The following PCDHGC5 variants were observed in gnomAD, a reference collection of about 807,000 sequenced individuals.
The protein encoded by PCDHGC5 is protocadherin gamma-C5.
A neutral mutation model predicts 59.0 loss-of-function variants in PCDHGC5; 25 were observed. The observed-to-expected ratio is 0.42, with a 90% CI of 0.31 to 0.59. The LOEUF (loss-of-function observed/expected upper bound fraction) is 0.59, where lower values mean the gene tolerates loss of function less well. PCDHGC5 is among the 20% of genes least tolerant of loss of function. The pLI, the probability that PCDHGC5 is intolerant of heterozygous loss-of-function variation, is 0.13. For missense variants in PCDHGC5, 1,067 were observed against 1,206.4 expected, an observed-to-expected ratio of 0.88 and a Z score of 1.71; for synonymous variants, 434 against 505.5, an observed-to-expected ratio of 0.86 and a Z score of 1.90.
At position 141,490,328 on chromosome 5, in the gene PCDHGC5, C is replaced by T; in HGVS notation, c.1088C>T (p.Thr363Ile). 2 of 1,614,228 alleles carry T rather than the reference C, an allele frequency of 1.2e-6. No homozygotes were observed. Among genetic ancestry groups the T allele is most frequent in the Non-Finnish European group, 1.7e-6 (2 of 1,180,048 alleles). ...ASLANPVLES[T>I]PVGTVVGLFN... Reference sequence around the variant, plus strand: ...TTGGCCAACCCTGTCCTAGAGAGCACACCAGTGGGCACAGTAGTGGGGTTG... The same window carrying T: ...TTGGCCAACCCTGTCCTAGAGAGCATACCAGTGGGCACAGTAGTGGGGTTG... Residue 363 changes from threonine (T) to isoleucine (I), a missense_variant, in exon 1 of 4, where the codon ACA becomes ATA. Coordinates refer to ENST00000252087, the MANE Select transcript of PCDHGC5 (RefSeq NM_018929.3). The surrounding 1 kb of genome is among the most constrained non-coding windows in gnomAD (Gnocchi z 5.4).
At position 141,489,635 on chromosome 5, in the gene PCDHGC5, G is replaced by A. The variant is rs1380466520; in HGVS notation, c.395G>A (p.Ser132Asn). The change falls in exon 1 of 4, where the codon AGC (serine) becomes AAC (asparagine). Residue 132 changes from serine to asparagine, a missense_variant. By Grantham distance (46) the Ser-to-Asn change is conservative. Coordinates refer to ENST00000252087, the MANE Select transcript of PCDHGC5 (RefSeq NM_018929.3). The surrounding 1 kb of genome is among the most constrained non-coding windows in gnomAD (Gnocchi z 4.5). Reference sequence around the variant, plus strand: ...CTGGATCTCAATGACAACTCTCCTAGCTTTGCCACCCCTGAGCGAGAGATG... The same window carrying A: ...CTGGATCTCAATGACAACTCTCCTAACTTTGCCACCCCTGAGCGAGAGATG... Reference protein sequence around the residue: ...EILDLNDNSPSFATPEREMRI... With the variant: ...EILDLNDNSPNFATPEREMRI... 6.2e-7 allele frequency: 1 copy of A among 1,614,142 alleles called. No individual in the cohort carries two copies. The highest frequency in any genetic ancestry group is 8.5e-7 in the Non-Finnish European group (1 of 1,180,012).
rs201409669 is a variant in PCDHGC5 at position 141,490,703 on chromosome 5, G to A, written c.1463G>A (p.Arg488His). ...ASDPDTGDNA[R>H]LTYSIVGNQV... The stretch of plus-strand genomic sequence containing the variant: ...GATCCAGACACTGGGGATAATGCCC[G>A]CCTCACCTACTCCATTGTAGGAAAT... The change falls in exon 1 of 4, where the codon CGC becomes CAC. Residue 488 changes from arginine (R) to histidine (H), a missense_variant. Coordinates refer to ENST00000252087, the MANE Select transcript of PCDHGC5 (RefSeq NM_018929.3). This position sits in a 1 kb window ranked among gnomAD's most constrained non-coding sequence, Gnocchi z 5.4. 2.6e-4 allele frequency: 421 copies of A among 1,614,106 alleles called. No homozygotes were observed. Among genetic ancestry groups the A allele is most frequent in the Middle Eastern group, 6.6e-4 (4 of 6,062 alleles).
chr5:141,489,951 T>C lies in PCDHGC5; in HGVS notation c.711T>C (p.Asp237=). Residue 237 remains aspartate, a synonymous_variant, in exon 1 of 4, where the codon GAT becomes GAC. Coordinates refer to ENST00000252087, the MANE Select transcript of PCDHGC5 (RefSeq NM_018929.3). The surrounding 1 kb of genome is among the most constrained non-coding windows in gnomAD (Gnocchi z 4.5). The part of the protein sequence containing the change: ...LISVIVLDIN[D]NAPTFQSSVL... ...CTGTCATCGTGCTGGACATCAATGATAATGCTCCAACCTTCCAATCCTCAG... is the reference window on the plus strand; with the variant it reads ...CTGTCATCGTGCTGGACATCAATGACAATGCTCCAACCTTCCAATCCTCAG... 6.2e-7 allele frequency: 1 copy of C among 1,614,210 alleles called. No homozygotes were observed. Among genetic ancestry groups the C allele is most frequent in the Non-Finnish European group, 8.5e-7 (1 of 1,180,032 alleles).
Position 141,492,511 on chromosome 5 carries a change from C to T in PCDHGC5, c.2460+811C>T, listed in dbSNP as rs58889912. Among the ~76,000 whole-genome samples the T allele has an allele frequency of 1.7e-3, 262 of 152,326 alleles. 2 individuals are homozygous for T. The highest frequency in any genetic ancestry group is 6.0e-3 in the African/African-American group (249 of 41,582). On this transcript the variant is annotated intron_variant, in intron 1 of 3. Coordinates refer to ENST00000252087, the MANE Select transcript of PCDHGC5 (RefSeq NM_018929.3). Reference sequence around the variant, plus strand: ...CCAGGCGAGGACTCCGGAGCCTCCTCTCACCTCTCCCACCTGCGCCCCGGG... The same window carrying T: ...CCAGGCGAGGACTCCGGAGCCTCCTTTCACCTCTCCCACCTGCGCCCCGGG...
rs1386791249 is a variant in PCDHGC5 at position 141,511,417 on chromosome 5, G to A, written c.*244G>A. 1.2e-6 allele frequency: 1 copy of A among 835,942 alleles called. No homozygotes were observed. Among genetic ancestry groups the A allele is most frequent in the African/African-American group, 1.7e-5 (1 of 58,154 alleles). The allele number at this position is 835,942 out of a possible 1,614,324, so 51.8% of individuals were successfully genotyped here. A position where few individuals can be genotyped will look rare whatever the true frequency, so the allele number is the denominator to read the frequency against. The stretch of plus-strand genomic sequence containing the variant: ...CCATCCAATCAACTGCTGTACCCAT[G>A]GGGGTAGTGGGGTTACTGTAGACAC... On this transcript the variant is annotated 3_prime_UTR_variant, in exon 4 of 4. Transcript: ENST00000252087.
In PCDHGC5 at chr5:141,489,750, C is replaced by T. The variant is rs753217170; in HGVS notation, c.510C>T (p.Tyr170=). The change falls in exon 1 of 4, where the codon TAC becomes TAT. Residue 170 remains tyrosine, a synonymous_variant. Coordinates refer to ENST00000252087, the MANE Select transcript of PCDHGC5 (RefSeq NM_018929.3). The surrounding 1 kb of genome is among the most constrained non-coding windows in gnomAD (Gnocchi z 4.5). ...PDVGTNTVSF[Y]TLSPNSHFSL... ...TGGGCACCAATACTGTGAGCTTTTA[C>T]ACTCTAAGCCCCAACAGCCACTTCT... 1.2e-6 allele frequency: 2 copies of T among 1,614,098 alleles called. No homozygotes were observed. Among genetic ancestry groups the T allele is most frequent in the Admixed American group, 3.3e-5 (2 of 60,022 alleles).
At chr5:141,502,621 A>G (rs918589202) in intron 2 of PCDHGC5, among the ~76,000 whole-genome samples, 3 of 152,162 alleles carry the variant, frequency 2.0e-5, no homozygotes, top group African/African-American at 7.2e-5. Context: ...AAATATAAGT[A>G]ATCTGTGGAT....
intron 3 of PCDHGC5, among the ~76,000 whole-genome samples, chr5:141,506,904 C>T (rs55892286): frequency 0.2 from 30,589 of 152,050 alleles, 3,131 homozygotes; most frequent in Middle Eastern, 0.24. Flanking sequence ...ACTGTCATCA[C>T]ACCTGGGCAC....
At chr5:141,508,124 G>C (rs1248096612) in intron 3 of PCDHGC5, 1 of 152,640 alleles carries the variant, frequency 6.6e-6, no homozygotes, top group Non-Finnish European at 1.5e-5. Flanking sequence ...AGGACAGAGG[G>C]AGGTCAGGGA....
Position 141,490,748 on chromosome 5 carries a change from C to A in PCDHGC5, c.1508C>A (p.Ala503Asp). 3.1e-6 allele frequency: 5 copies of A among 1,614,168 alleles called. No individual in the cohort carries two copies. Among genetic ancestry groups the A allele is most frequent in the Non-Finnish European group, 3.4e-6 (4 of 1,180,006 alleles). ...GGAAATCAGGTTCAGGGAGCCCCAGCCTCCTCCTTTGTGTATGTCAACCCA... is the reference window on the plus strand; with the variant it reads ...GGAAATCAGGTTCAGGGAGCCCCAGACTCCTCCTTTGTGTATGTCAACCCA... ...IVGNQVQGAP[A>D]SSFVYVNPED... The change falls in exon 1 of 4, where the codon GCC becomes GAC. Residue 503 changes from alanine to aspartate, a missense_variant. Transcript: ENST00000252087. This position sits in a 1 kb window ranked among gnomAD's most constrained non-coding sequence, Gnocchi z 5.4.
At position 141,490,044 on chromosome 5, in the gene PCDHGC5, T is replaced by C; in HGVS notation, c.804T>C (p.Asp268=). The C allele has an allele frequency of 1.2e-6, 2 of 1,614,192 alleles. No individual in the cohort carries two copies. Among genetic ancestry groups the C allele is most frequent in the Non-Finnish European group, 1.7e-6 (2 of 1,180,024 alleles). The stretch of plus-strand genomic sequence containing the variant: ...TGCTGCTCCGCCTCAATGCCACTGA[T>C]CCAGACGAGGGCACCAACGGCCAAC... ...GTLLLRLNAT[D]PDEGTNGQLD... is the part of the protein sequence containing the mutation. The change falls in exon 1 of 4, where the codon GAT becomes GAC. Residue 268 remains aspartate, a synonymous_variant. Transcript: ENST00000252087. The surrounding 1 kb of genome is among the most constrained non-coding windows in gnomAD (Gnocchi z 5.4).
Position 141,491,095 on chromosome 5 carries a change from T to C in PCDHGC5, c.1855T>C (p.Phe619Leu), listed in dbSNP as rs1366401829. Residue 619 changes from phenylalanine (F) to leucine (L), a missense_variant, in exon 1 of 4, where the codon TTC becomes CTC. Physicochemically the swap from Phe to Leu is conservative, Grantham distance 22 (BLOSUM62 0). Coordinates refer to ENST00000252087, the MANE Select transcript of PCDHGC5 (RefSeq NM_018929.3). The surrounding 1 kb of genome is among the most constrained non-coding windows in gnomAD (Gnocchi z 6.9). Reference protein sequence around the residue: ...LLPQSTAPGLFLVSTHTGEVR... With the variant: ...LLPQSTAPGLLLVSTHTGEVR... ...GCCACAGTCCACAGCCCCAGGACTG[T>C]TCCTCGTGTCTACACACACTGGTGA... The C allele has an allele frequency of 3.7e-6, 6 of 1,614,154 alleles. No homozygotes were observed. The highest frequency in any genetic ancestry group is 4.2e-6 in the Non-Finnish European group (5 of 1,180,014).
intron 2 of PCDHGC5, among the ~76,000 whole-genome samples, chr5:141,501,258 T>G (rs2099806611): frequency 1.3e-5 from 2 of 150,950 alleles, no homozygotes; most frequent in South Asian, 4.2e-4. Flanking sequence ...GGGAGTATTT[T>G]ATTATAGTCC....
chr5:141,504,988 C>T (rs886919738), intron 2 of PCDHGC5, among the ~76,000 whole-genome samples: 2 of 152,036 alleles, frequency 1.3e-5, no homozygotes, highest in African/African-American at 4.8e-5. Context: ...ATGGTGAAAC[C>T]CCGTCTGTAC....
At position 141,511,032 on chromosome 5, in the gene PCDHGC5, G is replaced by T. The variant is rs779589499; in HGVS notation, c.2694G>T (p.Gln898His). 6.2e-7 allele frequency: 1 copy of T among 1,614,228 alleles called. No individual in the cohort carries two copies. Among genetic ancestry groups the T allele is most frequent in the South Asian group, 1.1e-5 (1 of 91,090 alleles). ...GCTACGGACCCCAGTTCACCCTGCAGCACGTGCCCGACTACCGCCAGAATG... is the reference window on the plus strand; with the variant it reads ...GCTACGGACCCCAGTTCACCCTGCATCACGTGCCCGACTACCGCCAGAATG... ...SARYGPQFTLQHVPDYRQNVY... is the reference protein window; with the variant it reads ...SARYGPQFTLHHVPDYRQNVY... Residue 898 changes from glutamine (Q) to histidine (H), a missense_variant, in exon 4 of 4, where the codon CAG (glutamine) becomes CAT (histidine). Gln to His is a conservative substitution (Grantham distance 24, BLOSUM62 0). Coordinates refer to ENST00000252087, the MANE Select transcript of PCDHGC5 (RefSeq NM_018929.3).
At chr5:141,499,168 C>T (rs1169979036) in intron 2 of PCDHGC5, among the ~76,000 whole-genome samples, 3 of 152,184 alleles carry the variant, frequency 2.0e-5, no homozygotes, top group African/African-American at 7.2e-5. Context: ...GTCTCAAGCT[C>T]TGAGCCCAGC....
At chr5:141,500,348 A>G (rs2099799436) in intron 2 of PCDHGC5, among the ~76,000 whole-genome samples, 1 of 151,950 alleles carries the variant, frequency 6.6e-6, no homozygotes, top group Non-Finnish European at 1.5e-5. Context: ...AGCTGGGACT[A>G]CAGGCGCCCA....
rs774983500 is a variant in PCDHGC5 at position 141,490,973 on chromosome 5, G to T, written c.1733G>T (p.Arg578Leu). ...RPDWEHSAPQ[R>L]LPRSAPPGSL... ...GACTGGGAACACTCAGCCCCCCAGC[G>T]TCTCCCTCGCTCTGCTCCTCCTGGC... Residue 578 changes from arginine to leucine, a missense_variant, in exon 1 of 4, where the codon CGT becomes CTT. Arg to Leu is a moderately radical substitution (Grantham distance 102). Transcript: ENST00000252087. The surrounding 1 kb of genome is among the most constrained non-coding windows in gnomAD (Gnocchi z 5.4). 1 of 1,613,932 alleles carries T rather than the reference G, an allele frequency of 6.2e-7. No individual in the cohort carries two copies. The highest frequency in any genetic ancestry group is 1.3e-5 in the African/African-American group (1 of 75,040).
At chr5:141,508,604 A>G (rs2099870124) in intron 3 of PCDHGC5, among the ~76,000 whole-genome samples, 1 of 152,150 alleles carries the variant, frequency 6.6e-6, no homozygotes, top group African/African-American at 2.4e-5. Flanking sequence ...TCTTGGGTGC[A>G]CATAGGACGT....
Sources: allele counts gnomAD v4.1 joint callset (sites outside exome capture counted in the v4.1 genomes callset), GRCh38; gene constraint gnomAD v4.1.1; non-coding constraint Gnocchi (gnomAD v3.1); transcripts MANE v1.5; gene names NCBI Gene and HGNC (gene_info 2026-07-23, HGNC 2026-07-21).